The following DRC8 variants were observed in gnomAD, a reference collection of about 807,000 sequenced individuals.
DRC8 encodes dynein regulatory complex subunit 8.
the DRC8 span, among the ~76,000 whole-genome samples, chr1:245,088,617 G>A: frequency 6.6e-6 from 1 of 152,232 alleles, no homozygotes; most frequent in Non-Finnish European, 1.5e-5. The surrounding 1 kb of genome is among the most constrained non-coding windows in gnomAD (Gnocchi z 4.6). Flanking sequence ...ATTTCAGATA[G>A]GGGCATGTTC....
chr1:245,045,334 G>A, the DRC8 span, among the ~76,000 whole-genome samples: 1 of 152,244 alleles, frequency 6.6e-6, no homozygotes, highest in Non-Finnish European at 1.5e-5. Context: ...GTGACTGCAA[G>A]TTGTCCAGGT....
the DRC8 span, chr1:245,123,532 C>A: frequency 6.4e-6 from 1 of 156,556 alleles, no homozygotes; most frequent in Non-Finnish European, 1.4e-5. The surrounding 1 kb of genome is among the most constrained non-coding windows in gnomAD (Gnocchi z 5.0). Flanking sequence ...CCCTCCCGTT[C>A]CTGTTGTAGC....
chr1:244,991,893 CT>C, the DRC8 span, among the ~76,000 whole-genome samples: 1 of 152,122 alleles, frequency 6.6e-6, no homozygotes, highest in African/African-American at 2.4e-5. Context: ...GTAAAGAAAG[CT>C]GTTACAATTG....
the DRC8 span, among the ~76,000 whole-genome samples, chr1:244,986,075 C>T: frequency 1.3e-5 from 2 of 151,700 alleles, no homozygotes; most frequent in Admixed American, 1.3e-4. Context: ...TATGCCTCAG[C>T]CTCCCGAGTA....
the DRC8 span, among the ~76,000 whole-genome samples, chr1:245,001,136 G>A: frequency 7.2e-5 from 11 of 152,262 alleles, no homozygotes; most frequent in South Asian, 2.3e-3. Flanking sequence ...ATATGTTTAT[G>A]TATACTTGTT....
the DRC8 span, among the ~76,000 whole-genome samples, chr1:244,997,603 G>A: frequency 6.6e-6 from 1 of 150,740 alleles, no homozygotes; most frequent in Non-Finnish European, 1.5e-5. Flanking sequence ...GAGTGCAATG[G>A]TGTGATCTCG....
the DRC8 span, among the ~76,000 whole-genome samples, chr1:245,001,280 T>C: frequency 2.0e-5 from 3 of 152,198 alleles, no homozygotes; most frequent in Non-Finnish European, 4.4e-5. Flanking sequence ...ATTTAGCCTA[T>C]AAAGGATCAA....
At chr1:245,014,682 G>A in the DRC8 span, among the ~76,000 whole-genome samples, 24 of 152,064 alleles carry the variant, frequency 1.6e-4, 1 homozygote, top group East Asian at 4.6e-3. Flanking sequence ...GGTGTGGGGG[G>A]AGAAGAGCAG....
chr1:244,993,339 G>A, the DRC8 span, among the ~76,000 whole-genome samples: 1 of 152,064 alleles, frequency 6.6e-6, no homozygotes, highest in Admixed American at 6.6e-5. Flanking sequence ...CTCTCCAAAG[G>A]CCCACTAGAA....
the DRC8 span, among the ~76,000 whole-genome samples, chr1:245,053,729 G>C: frequency 6.6e-6 from 1 of 152,294 alleles, no homozygotes; most frequent in African/African-American, 2.4e-5. Flanking sequence ...TGTCAATCAC[G>C]TGGGCTTTGT....
the DRC8 span, chr1:244,970,315 G>A: frequency 1.7e-6 from 2 of 1,144,976 alleles, no homozygotes; most frequent in African/African-American, 1.7e-5. Context: ...GATTCAGAGC[G>A]GCCCCTCCTC....
At chr1:245,022,315 G>A in the DRC8 span, among the ~76,000 whole-genome samples, 2 of 150,302 alleles carry the variant, frequency 1.3e-5, no homozygotes, top group Non-Finnish European at 2.9e-5. Flanking sequence ...CACCACCCCC[G>A]GCTAATTTTT....
At chr1:244,981,531 C>T in the DRC8 span, among the ~76,000 whole-genome samples, 427 of 152,208 alleles carry the variant, frequency 2.8e-3, 1 homozygote, top group South Asian at 0.012. Context: ...ACCCGCTTTC[C>T]ACAAGTAAGG....
chr1:245,101,098 T>A, the DRC8 span, among the ~76,000 whole-genome samples: 1 of 152,196 alleles, frequency 6.6e-6, no homozygotes, highest in Non-Finnish European at 1.5e-5. Context: ...TTGGCCAGGC[T>A]GGTCTCGAAC....
chr1:245,109,163 G>A, the DRC8 span, among the ~76,000 whole-genome samples: 1 of 152,178 alleles, frequency 6.6e-6, no homozygotes. Flanking sequence ...CCTGAGGGGC[G>A]AGAGAGCTCG....
the DRC8 span, among the ~76,000 whole-genome samples, chr1:245,016,387 G>T: frequency 6.6e-6 from 1 of 152,058 alleles, no homozygotes; most frequent in African/African-American, 2.4e-5. Context: ...TGTTCATAAG[G>T]CTGGTTCCTT....
the DRC8 span, among the ~76,000 whole-genome samples, chr1:245,072,086 G>C: frequency 2.6e-5 from 4 of 152,136 alleles, no homozygotes; most frequent in Non-Finnish European, 5.9e-5. Context: ...TTATGCAAAG[G>C]AATTGAAAAT....
chr1:244,975,728 C>T, the DRC8 span, among the ~76,000 whole-genome samples: 4 of 151,738 alleles, frequency 2.6e-5, no homozygotes, highest in East Asian at 5.8e-4. Flanking sequence ...AGTGTGGTGG[C>T]GCGTGCCTGT....
At chr1:245,034,787 A>G in the DRC8 span, among the ~76,000 whole-genome samples, 2 of 151,858 alleles carry the variant, frequency 1.3e-5, no homozygotes, top group Non-Finnish European at 2.9e-5. Context: ...AGCAGAAAGG[A>G]GAAATTAATG....
Sources: gnomAD v4.1 joint callset for allele counts (sites outside exome capture counted in the v4.1 genomes callset) on GRCh38, gnomAD v4.1.1 for gene constraint, Gnocchi (gnomAD v3.1) non-coding constraint, MANE v1.5 for transcripts, NCBI Gene and HGNC (gene_info 2026-07-23, HGNC 2026-07-21) for gene names.